SETD2: variants seen among roughly 807,000 people sequenced by gnomAD.
SETD2 encodes the protein SET domain containing 2, histone lysine methyltransferase, also known as histone-lysine N-methyltransferase SETD2.
A neutral mutation model predicts 242.1 loss-of-function variants in SETD2; 31 were observed. The ratio of observed to expected loss-of-function variants is 0.13; its 90% CI spans 0.10 to 0.17. The LOEUF is 0.17. Ranked by LOEUF, SETD2 falls within the 10% of genes least tolerant of loss-of-function variation. SETD2 has a pLI of 1.00. For missense variants in SETD2, 2,481 were observed against 3,046.3 expected (o/e 0.81, Z 4.37); for synonymous variants, 1,006 against 1,066.5 (o/e 0.94, Z 1.11).
At chr3:47,065,604 TGGG>T (rs2040525587) in intron 13 of SETD2, among the ~76,000 whole-genome samples, 3 of 152,054 alleles carry the variant, frequency 2.0e-5, no homozygotes, top group African/African-American at 7.2e-5. Flanking sequence ...AAGCCTAGCC[TGGG>T]TAACATAGCG....
chr3:47,055,287 AG>A (rs1218123724), intron 15 of SETD2, among the ~76,000 whole-genome samples: 3 of 152,248 alleles, frequency 2.0e-5, no homozygotes, highest in African/African-American at 7.2e-5. Context: ...TATTATGTGC[AG>A]GAAACATTGT....
intron 18 of SETD2, among the ~76,000 whole-genome samples, chr3:47,036,193 C>A (rs2038989365): frequency 6.6e-6 from 1 of 152,118 alleles, no homozygotes; most frequent in African/African-American, 2.4e-5. Context: ...GTACTTAATT[C>A]TTTTCAAAAT....
In SETD2 at chr3:47,044,730, T is replaced by C. The variant is rs1011772982; in HGVS notation, c.7098+1757A>G. 1.5e-4 allele frequency among the ~76,000 whole-genome samples: 23 copies of C among 152,214 alleles called. 1 individual carries two copies. The highest frequency in any genetic ancestry group is 1.4e-3 in the Admixed American group (22 of 15,278). ...AAGCTTATCTTAATATTAAACATCATATAAAAAACTTTTTTTAAACATTGT... is the reference window on the plus strand; with the variant it reads ...AAGCTTATCTTAATATTAAACATCACATAAAAAACTTTTTTTAAACATTGT... On this transcript the variant is annotated intron_variant, in intron 16 of 20. Coordinates refer to ENST00000409792, the MANE Select transcript of SETD2 (RefSeq NM_014159.7).
chr3:47,113,738 C>A (rs1171309187), intron 5 of SETD2, 138 bp downstream of exon 5: 1 of 707,402 alleles, frequency 1.4e-6, no homozygotes, highest in Non-Finnish European at 2.2e-6. Flanking sequence ...ACTTGAGAGG[C>A]TAAGGCAGGA....
rs2039085411 is a variant in SETD2, at chr3:47,037,841, T to C, written c.7239-64A>G. The C allele has an allele frequency of 4.6e-6, 5 of 1,088,806 alleles. No homozygotes were observed. The South Asian group carries it at 5.0e-5, about 11-fold the overall frequency. The allele number at this position is 1,088,806 out of a possible 1,614,324, so 67.4% of individuals were successfully genotyped here. On this transcript the variant is annotated intron_variant, in intron 17 of 20. Coordinates refer to ENST00000409792, the MANE Select transcript of SETD2 (RefSeq NM_014159.7). ...GAAACAGAGAATCCTGACATAAACATCACTGCTCATACATACATAAAATAC... is the reference window on the plus strand; with the variant it reads ...GAAACAGAGAATCCTGACATAAACACCACTGCTCATACATACATAAAATAC...
intron 1 of SETD2, among the ~76,000 whole-genome samples, chr3:47,147,411 C>T (rs1226066476): frequency 6.6e-6 from 1 of 151,398 alleles, no homozygotes; most frequent in East Asian, 2.0e-4. Flanking sequence ...CAACCTCTGC[C>T]TCCTCGGTTC....
intron 4 of SETD2, among the ~76,000 whole-genome samples, chr3:47,114,498 T>C (rs2042778529): frequency 6.6e-6 from 1 of 152,164 alleles, no homozygotes. Flanking sequence ...TCTTCTCCCA[T>C]GGATCCTAGA....
At chr3:47,056,255 G>C (rs2040077962) in intron 15 of SETD2, among the ~76,000 whole-genome samples, 1 of 151,546 alleles carries the variant, frequency 6.6e-6, no homozygotes, top group African/African-American at 2.4e-5. Flanking sequence ...CTACCAAGTA[G>C]CTGGGATTAC....
intron 1 of SETD2, among the ~76,000 whole-genome samples, chr3:47,140,713 T>C (rs902199445): frequency 4.6e-5 from 7 of 151,858 alleles, no homozygotes; most frequent in African/African-American, 1.7e-4. Flanking sequence ...ATACAAAAAT[T>C]AGCCAGGCAT....
intron 2 of SETD2, among the ~76,000 whole-genome samples, chr3:47,124,910 C>T (rs1019157186): frequency 2.6e-5 from 4 of 152,034 alleles, no homozygotes; most frequent in Non-Finnish European, 5.9e-5. Context: ...GTATAAAGGG[C>T]AATATCTAAC....
intron 10 of SETD2, 74 bp from the exon 11 acceptor site, chr3:47,086,388 G>C: frequency 6.7e-7 from 1 of 1,486,264 alleles, no homozygotes; most frequent in Non-Finnish European, 9.3e-7. Flanking sequence ...AGCCCGAGGA[G>C]AGTTCATGTA....
chr3:47,113,526 A>C lies in SETD2; in HGVS notation c.4715+350T>G, dbSNP rs80083858. Among the ~76,000 whole-genome samples, 286 of 152,298 alleles carry C rather than the reference A, an allele frequency of 1.9e-3. 2 individuals are homozygous for C. Among genetic ancestry groups the C allele is most frequent in the African/African-American group, 6.6e-3 (274 of 41,556 alleles). On this transcript the variant is annotated intron_variant, in intron 5 of 20. Transcript: ENST00000409792. ...AATTGTTTCCCTACAAAAACATCTA[A>C]GTTCAACAACACAAAAATGAAGTGA...
intron 15 of SETD2, among the ~76,000 whole-genome samples, chr3:47,049,985 A>G (rs1381028521): frequency 6.8e-6 from 1 of 147,144 alleles, no homozygotes; most frequent in Non-Finnish European, 1.5e-5. Context: ...TTTCTTATAT[A>G]TATAAATTTA....
chr3:47,058,799 ATTT>A (rs764994848), intron 14 of SETD2, among the ~76,000 whole-genome samples: 1 of 145,080 alleles, frequency 6.9e-6, no homozygotes, highest in Non-Finnish European at 1.5e-5. Flanking sequence ...GCACAGGGGA[ATTT>A]TTTTTTTTTT....
chr3:47,136,997 G>GATTA (rs911319963), intron 1 of SETD2, among the ~76,000 whole-genome samples: 2 of 151,872 alleles, frequency 1.3e-5, no homozygotes, highest in Non-Finnish European at 2.9e-5. Flanking sequence ...CTACTATTTG[G>GATTA]GTAATGGGCA....
At chr3:47,099,821 T>A (rs1424108697) in intron 8 of SETD2, among the ~76,000 whole-genome samples, 1 of 152,210 alleles carries the variant, frequency 6.6e-6, no homozygotes, top group Non-Finnish European at 1.5e-5. Context: ...CTTCTTCTCA[T>A]CAACTATTTG....
chr3:47,058,418 G>A (rs1171512252), intron 14 of SETD2, among the ~76,000 whole-genome samples: 2 of 109,300 alleles, frequency 1.8e-5, no homozygotes, highest in Non-Finnish European at 3.3e-5. Context: ...TCCAGCCTGG[G>A]CAACAGGGCA....
At chr3:47,144,843 C>T (rs764518446) in intron 1 of SETD2, among the ~76,000 whole-genome samples, 2 of 149,978 alleles carry the variant, frequency 1.3e-5, no homozygotes, top group East Asian at 2.0e-4. Context: ...CCCAGCTACT[C>T]GGGAGGCTGA....
intron 15 of SETD2, among the ~76,000 whole-genome samples, chr3:47,049,814 A>G (rs539442682): frequency 2.7e-5 from 1 of 36,758 alleles, no homozygotes; most frequent in South Asian, 7.8e-4. Flanking sequence ...TATATTATAT[A>G]TATTATATAT....
Sources: allele counts gnomAD v4.1 joint callset (sites outside exome capture counted in the v4.1 genomes callset), GRCh38; gene constraint gnomAD v4.1.1; transcripts MANE v1.5; gene names NCBI Gene and HGNC (gene_info 2026-07-23, HGNC 2026-07-21).